RNF157: variants seen among roughly 807,000 people sequenced by gnomAD.
RNF157 encodes the protein E3 ubiquitin ligase RNF157.
RNF157 carries 55 observed loss-of-function variants against 88.3 expected under a neutral mutation model. That is an observed-to-expected ratio of 0.62 (90% CI 0.50 to 0.78). RNF157 has a LOEUF of 0.78. RNF157 is among the 30% of genes least tolerant of loss of function. The pLI, the probability that RNF157 is intolerant of heterozygous loss-of-function variation, is 0.00. For synonymous variants in RNF157, 334 were observed against 341.2 expected (o/e 0.98, Z 0.23); for missense variants, 788 against 860.8 (o/e 0.92, Z 1.06).
chr17:76,204,597 T>TGC (rs2069645975), intron 2 of RNF157, among the ~76,000 whole-genome samples: 1 of 152,208 alleles, frequency 6.6e-6, no homozygotes, highest in Non-Finnish European at 1.5e-5. Context: ...GCTCTATAAG[T>TGC]GCAAAACTCT....
rs541943538 is a variant in RNF157, at chr17:76,233,209, C to T, written c.88+6944G>A. Among the ~76,000 whole-genome samples the T allele has an allele frequency of 4.8e-3, 733 of 152,274 alleles. 5 individuals are homozygous for T. Among genetic ancestry groups the T allele is most frequent in the Admixed American group, 0.012 (176 of 15,298 alleles). On this transcript the variant is annotated intron_variant, in intron 1 of 18. Coordinates refer to ENST00000269391, the MANE Select transcript of RNF157 (RefSeq NM_052916.3). ...TGCTGGGATTACAGGCGTGAGCCAC[C>T]GTGCCTGGCCTCTTGCACATTTTTT... is the stretch of plus-strand genomic sequence containing the variant.
At chr17:76,159,847 C>T (rs2068822148) in intron 11 of RNF157, among the ~76,000 whole-genome samples, 1 of 152,076 alleles carries the variant, frequency 6.6e-6, no homozygotes, top group Admixed American at 6.5e-5. Flanking sequence ...GAAAAAAAAT[C>T]ACCAGTAATC....
chr17:76,186,659 C>CG (rs950585215), intron 2 of RNF157, among the ~76,000 whole-genome samples: 28 of 150,926 alleles, frequency 1.9e-4, no homozygotes, highest in Middle Eastern at 3.4e-3. Context: ...AGGTCTGGGC[C>CG]GGGGGGGCAG....
intron 1 of RNF157, among the ~76,000 whole-genome samples, chr17:76,228,231 A>G (rs2070127700): frequency 6.6e-6 from 1 of 152,192 alleles, no homozygotes; most frequent in Admixed American, 6.5e-5. Flanking sequence ...CGGTAGCTTC[A>G]CAGCATTTAG....
At chr17:76,223,599 A>C (rs550375892) in intron 1 of RNF157, among the ~76,000 whole-genome samples, 14 of 152,206 alleles carry the variant, frequency 9.2e-5, no homozygotes, top group South Asian at 4.1e-4. Context: ...TATAAAACCC[A>C]AATTTTTTTC....
intron 18 of RNF157, among the ~76,000 whole-genome samples, chr17:76,149,113 C>T (rs1452480384): frequency 6.6e-6 from 1 of 152,062 alleles, no homozygotes; most frequent in African/African-American, 2.4e-5. Context: ...ACCAAAAATC[C>T]ACCCTTGGTC....
intron 1 of RNF157, among the ~76,000 whole-genome samples, chr17:76,227,864 C>T (rs916173920): frequency 2.0e-5 from 3 of 151,796 alleles, no homozygotes; most frequent in Admixed American, 6.6e-5. Flanking sequence ...GCAACAAGAG[C>T]GAAACTCCAT....
intron 2 of RNF157, among the ~76,000 whole-genome samples, chr17:76,190,903 G>A (rs1371361318): frequency 1.4e-5 from 2 of 146,604 alleles, no homozygotes; most frequent in Non-Finnish European, 3.0e-5. Context: ...GCGAGACTCT[G>A]TCTCAAAAAA....
In RNF157 at chr17:76,146,775, A is replaced by G. The variant is rs975791433; in HGVS notation, c.1922-1422T>C. The G allele has an allele frequency of 1.0e-6, 1 of 985,148 alleles. No individual in the cohort carries two copies. Among genetic ancestry groups the G allele is most frequent in the African/African-American group, 1.7e-5 (1 of 57,246 alleles). The allele number at this position is 985,148 out of a possible 1,614,324, so 61.0% of individuals were successfully genotyped here. A position where few individuals can be genotyped will look rare whatever the true frequency, so the allele number is the denominator to read the frequency against. ...TCTTCACTGTTGCAGTCCAGAGCCC[A>G]GCACAACACCTGACCCATAGGAGGA... On this transcript the variant is annotated intron_variant, in intron 18 of 18. Transcript: ENST00000269391. This position sits in a 1 kb window ranked among gnomAD's most constrained non-coding sequence, Gnocchi z 4.2.
Position 76,210,601 on chromosome 17 carries a change from A to AAAAAAAAAG in RNF157, c.207+1762_207+1763insCTTTTTTTT, listed in dbSNP as rs777083177. Among the ~76,000 whole-genome samples the AAAAAAAAAG allele has an allele frequency of 1.0e-3, 151 of 148,434 alleles. 3 individuals carry two copies. In the East Asian group the frequency reaches 0.014, roughly 14 times the overall value. ...CCAGACTCCGTCCAAAAAAAAAAAA[A>AAAAAAAAAG]AAAGAAAGAAAGAAAGAAAGAGAAC... On this transcript the variant is annotated intron_variant, in intron 2 of 18. Transcript: ENST00000269391.
intron 6 of RNF157, among the ~76,000 whole-genome samples, chr17:76,165,877 T>C (rs1317146632): frequency 6.6e-6 from 1 of 151,882 alleles, no homozygotes; most frequent in African/African-American, 2.4e-5. Flanking sequence ...GGGGTTTCAC[T>C]ATGTTGGTCA....
intron 6 of RNF157, among the ~76,000 whole-genome samples, chr17:76,165,999 G>A (rs913974789): frequency 1.1e-4 from 16 of 151,760 alleles, no homozygotes; most frequent in Non-Finnish European, 1.8e-4. Flanking sequence ...TTTTGAGACT[G>A]AGCCTCACTC....
chr17:76,189,835 C>CAAAT (rs59153651), intron 2 of RNF157, among the ~76,000 whole-genome samples: 18 of 151,576 alleles, frequency 1.2e-4, no homozygotes, highest in Non-Finnish European at 1.6e-4. Context: ...AGAACACAAA[C>CAAAT]AAAAACAACT....
At chr17:76,180,171 G>A (rs1306790279) in intron 2 of RNF157, among the ~76,000 whole-genome samples, 1 of 152,150 alleles carries the variant, frequency 6.6e-6, no homozygotes, top group Non-Finnish European at 1.5e-5. Flanking sequence ...TGTTTCTCAG[G>A]TATCATTCTG....
At chr17:76,167,168 G>GT in intron 4 of RNF157, 42 bp from the exon 5 acceptor site, 1 of 1,417,156 alleles carries the variant, frequency 7.1e-7, no homozygotes, top group Non-Finnish European at 9.9e-7. Flanking sequence ...TCAGTATCCG[G>GT]CACAGATGGG....
intron 2 of RNF157, among the ~76,000 whole-genome samples, chr17:76,200,368 G>A (rs59307532): frequency 1.3e-5 from 2 of 152,098 alleles, no homozygotes; most frequent in African/African-American, 2.4e-5. Context: ...ACAGTGTATC[G>A]ATATAATGGC....
intron 1 of RNF157, among the ~76,000 whole-genome samples, chr17:76,214,761 C>G (rs2069860615): frequency 1.3e-5 from 2 of 152,088 alleles, no homozygotes; most frequent in African/African-American, 4.8e-5. Context: ...ATTTTCAGTG[C>G]AATATAATAA....
At position 76,161,622 on chromosome 17, in the gene RNF157, T is replaced by G. The variant is rs1160670975; in HGVS notation, c.978A>C (p.Arg326=). The part of the protein sequence containing the change: ...RLPFRALLQI[R]AMRKKLGPLS... ...AGGGGCCCAATTTTTTCCTCATGGC[T>G]CGGATCTGAAGCAGTGCCCGGAAGG... The change falls in exon 11 of 19, where the codon CGA becomes CGC. Residue 326 remains arginine, a synonymous_variant. Transcript: ENST00000269391. This position sits in a 1 kb window ranked among gnomAD's most constrained non-coding sequence, Gnocchi z 4.6. The G allele has an allele frequency of 3.1e-6, 5 of 1,614,014 alleles. No homozygotes were observed. The Admixed American group carries it at 8.3e-5, about 27-fold the overall frequency.
intron 2 of RNF157, among the ~76,000 whole-genome samples, chr17:76,205,763 A>AT (rs58914264): frequency 4.0e-5 from 6 of 151,146 alleles, no homozygotes; most frequent in Non-Finnish European, 7.4e-5. Context: ...AAATAAATAA[A>AT]ATAATAATGC....
Sources: gnomAD v4.1 joint callset for allele counts (sites outside exome capture counted in the v4.1 genomes callset) on GRCh38, gnomAD v4.1.1 for gene constraint, Gnocchi (gnomAD v3.1) non-coding constraint, MANE v1.5 for transcripts, NCBI Gene and HGNC (gene_info 2026-07-23, HGNC 2026-07-21) for gene names.